CRYBG3: variants seen among roughly 807,000 people sequenced by gnomAD.
CRYBG3 encodes crystallin beta-gamma domain containing 3.
A neutral mutation model predicts 244.2 loss-of-function variants in CRYBG3; 127 were observed. That is an observed-to-expected ratio of 0.52 (90% CI 0.45 to 0.60). CRYBG3 has a LOEUF of 0.60. Among genes scored for constraint, CRYBG3 ranks in the 20% least tolerant of loss-of-function variants. The pLI, the probability that CRYBG3 is intolerant of heterozygous loss-of-function variation, is 0.00. For missense variants in CRYBG3, 3,325 were observed against 3,442.5 expected, an observed-to-expected ratio of 0.97 and a Z score of 0.85; for synonymous variants, 1,132 against 1,195.8, an observed-to-expected ratio of 0.95 and a Z score of 1.10.
intron 17 of CRYBG3, among the ~76,000 whole-genome samples, chr3:97,932,776 C>G (rs1271884409): frequency 1.3e-5 from 2 of 151,994 alleles, no homozygotes; most frequent in Non-Finnish European, 2.9e-5. Context: ...TTTGCCGTTC[C>G]CCCAACATGT....
intron 1 of CRYBG3, among the ~76,000 whole-genome samples, chr3:97,841,933 C>T (rs1396568967): frequency 1.3e-5 from 2 of 152,118 alleles, no homozygotes; most frequent in Admixed American, 6.6e-5. Flanking sequence ...AGAAAATGCC[C>T]GATTCTCTAT....
At chr3:97,885,228 A>G (rs2039493910) in intron 7 of CRYBG3, among the ~76,000 whole-genome samples, 1 of 152,190 alleles carries the variant, frequency 6.6e-6, no homozygotes, top group Admixed American at 6.5e-5. Flanking sequence ...CAATTTTCTG[A>G]AAATGAGATG....
At position 97,872,163 on chromosome 3, in the gene CRYBG3, G is replaced by T. The variant is rs748124746; in HGVS notation, c.969G>T (p.Leu323=). Residue 323 remains leucine (L), a synonymous_variant, in exon 4 of 22, where the codon CTG becomes CTT. Transcript: ENST00000389622. ...ATTCTTTGACAAATAACCCAGAACT[G>T]CAGAATATTGCCTCTTCCAATAATC... ...KENSLTNNPE[L]QNIASSNNLL... The T allele has an allele frequency of 6.5e-7, 1 of 1,535,820 alleles. No individual in the cohort carries two copies. Among genetic ancestry groups the T allele is most frequent in the Non-Finnish European group, 8.7e-7 (1 of 1,146,658 alleles).
chr3:97,841,092 A>G lies in CRYBG3; in HGVS notation c.150-2103A>G, dbSNP rs112203458. On this transcript the variant is annotated intron_variant, in intron 1 of 21. Coordinates refer to ENST00000389622, the MANE Select transcript of CRYBG3 (RefSeq NM_153605.4). ...ATTTTATACATTTGTACGGGTTACA[A>G]TTCTGTATTGTACAATATTTTCTAT... Among the ~76,000 whole-genome samples the G allele has an allele frequency of 5.6e-3, 852 of 151,960 alleles. 7 individuals carry two copies. Among genetic ancestry groups the G allele is most frequent in the African/African-American group, 0.018 (751 of 41,506 alleles).
chr3:97,837,456 A>AT (rs2038750136), intron 1 of CRYBG3, among the ~76,000 whole-genome samples: 1 of 152,090 alleles, frequency 6.6e-6, no homozygotes, highest in Admixed American at 6.6e-5. Context: ...ATTTGCCCTG[A>AT]TTCTTTTTCC....
In CRYBG3 at chr3:97,872,667, C is replaced by G. The variant is rs1330453274; in HGVS notation, c.1473C>G (p.Thr491=). 9.1e-6 allele frequency: 14 copies of G among 1,535,770 alleles called. No homozygotes were observed. The highest frequency in any genetic ancestry group is 1.2e-5 in the Non-Finnish European group (14 of 1,146,674). The part of the protein sequence containing the change: ...DSSSKQAATH[T]NIIALQRHAV... ...CATCAAAGCAAGCTGCCACTCACAC[C>G]AATATCATTGCTCTTCAGAGACATG... The change falls in exon 4 of 22, where the codon ACC becomes ACG. Residue 491 remains threonine (T), a synonymous_variant. Transcript: ENST00000389622.
In CRYBG3 at chr3:97,822,137, G is replaced by C. The variant is rs2038508338; in HGVS notation, c.-70G>C. On this transcript the variant is annotated 5_prime_UTR_variant, in exon 1 of 22. Transcript: ENST00000389622. ...AGCCGCATCCCGCGGCGCCCGGTCG[G>C]GCTCCGGGCACCAGGCAACACCTAG... 1 of 1,339,378 alleles carries C rather than the reference G, an allele frequency of 7.5e-7. No individual in the cohort carries two copies. Among genetic ancestry groups the C allele is most frequent in the African/African-American group, 1.5e-5 (1 of 65,684 alleles). The allele number at this position is 1,339,378 out of a possible 1,614,324, so 83.0% of individuals were successfully genotyped here.
Position 97,875,094 on chromosome 3 carries a change from G to C in CRYBG3, c.3900G>C (p.Leu1300Phe). 6.5e-7 allele frequency: 1 copy of C among 1,532,984 alleles called. No homozygotes were observed. The highest frequency in any genetic ancestry group is 8.7e-7 in the Non-Finnish European group (1 of 1,145,198). The allele number at this position is 1,532,984 out of a possible 1,614,324, so 95.0% of individuals were successfully genotyped here. A position where few individuals can be genotyped will look rare whatever the true frequency, so the allele number is the denominator to read the frequency against. ...CTAATAGTATGAATGTATCTTGTTT[G>C]TTAGAAGATAAAGCTAGGGAATTAG... ...VDPNSMNVSC[L>F]LEDKARELVN... The change falls in exon 4 of 22, where the codon TTG (leucine) becomes TTC (phenylalanine). Residue 1300 changes from leucine to phenylalanine, a missense_variant. Leu to Phe is a conservative substitution (Grantham distance 22, BLOSUM62 0). This residue lies in a region of CRYBG3 where 635 missense variants were observed against 771.7 expected (regional missense o/e 0.82). Transcript: ENST00000389622.
At chr3:97,886,155 T>G (rs138694270) in intron 7 of CRYBG3, among the ~76,000 whole-genome samples, 14 of 152,272 alleles carry the variant, frequency 9.2e-5, no homozygotes, top group African/African-American at 3.4e-4. Context: ...GACTATTTCT[T>G]TTGTCAATGT....
At chr3:97,918,912 C>T (rs2039955379) in intron 17 of CRYBG3, among the ~76,000 whole-genome samples, 2 of 152,164 alleles carry the variant, frequency 1.3e-5, no homozygotes, top group South Asian at 2.1e-4. Flanking sequence ...ATCATTGTGT[C>T]CACTCACATT....
intron 2 of CRYBG3, among the ~76,000 whole-genome samples, chr3:97,854,859 G>A (rs2039042174): frequency 6.6e-6 from 1 of 151,952 alleles, no homozygotes; most frequent in African/African-American, 2.4e-5. Context: ...TCTCTTGTTT[G>A]ATTGCTCTGG....
intron 1 of CRYBG3, among the ~76,000 whole-genome samples, chr3:97,838,510 A>G (rs1171234814): frequency 6.6e-6 from 1 of 152,108 alleles, no homozygotes; most frequent in Non-Finnish European, 1.5e-5. Flanking sequence ...ATTCCTTGAC[A>G]GTCGGGCCCA....
chr3:97,889,464 A>G, intron 10 of CRYBG3, 74 bp downstream of exon 10: 1 of 1,275,972 alleles, frequency 7.8e-7, no homozygotes, highest in Non-Finnish European at 1.1e-6. Flanking sequence ...ATTTTGAAAC[A>G]TTGGAATAAA....
rs78124179 is a variant in CRYBG3 at position 97,892,623 on chromosome 3, G to A, written c.7441-237G>A. 9.6e-3 allele frequency among the ~76,000 whole-genome samples: 1,453 copies of A among 151,992 alleles called. 9 individuals carry two copies. The highest frequency in any genetic ancestry group is 0.014 in the Non-Finnish European group (980 of 67,980). The stretch of plus-strand genomic sequence containing the variant: ...ACTGTTTTGTTCTTCTTAGCACCTC[G>A]AAGTAGATCCTTTTCAGATGTGTTA... On this transcript the variant is annotated intron_variant, in intron 10 of 21. Transcript: ENST00000389622.
Position 97,877,209 on chromosome 3 carries a change from G to C in CRYBG3, c.6015G>C (p.Glu2005Asp). Residue 2005 changes from glutamate (E) to aspartate (D), a missense_variant, in exon 4 of 22, where the codon GAG (glutamate) becomes GAC (aspartate). Around this residue, in one of 4 missense-constraint regions of CRYBG3, gnomAD observed 450 missense variants for 424.1 expected, o/e 1.06. Transcript: ENST00000389622. Reference sequence around the variant, plus strand: ...CTTCCTTTACTATATTATACGAAGAGCCCCTTCAAGAGGAGGACAAGTATG... The same window carrying C: ...CTTCCTTTACTATATTATACGAAGACCCCCTTCAAGAGGAGGACAAGTATG... ...ENSSFTILYE[E>D]PLQEEDKYAS... The C allele has an allele frequency of 1.9e-6, 3 of 1,613,898 alleles. No homozygotes were observed. Among genetic ancestry groups the C allele is most frequent in the Non-Finnish European group, 2.5e-6 (3 of 1,179,874 alleles).
At chr3:97,880,973 C>T in intron 6 of CRYBG3, 99 bp from the exon 7 acceptor site, 1 of 884,958 alleles carries the variant, frequency 1.1e-6, no homozygotes. Flanking sequence ...GAAGATATCC[C>T]AGCTTAAAAA....
At chr3:97,829,654 T>C (rs2038627814) in intron 1 of CRYBG3, among the ~76,000 whole-genome samples, 1 of 152,246 alleles carries the variant, frequency 6.6e-6, no homozygotes, top group African/African-American at 2.4e-5. Flanking sequence ...AACATTTTGG[T>C]TATTTGATTT....
chr3:97,879,869 C>T, intron 5 of CRYBG3, 116 bp from the exon 6 acceptor site: 1 of 904,294 alleles, frequency 1.1e-6, no homozygotes, highest in Non-Finnish European at 1.7e-6. Context: ...TCTAAAGTAA[C>T]ATTTGCTTTT....
At position 97,841,232 on chromosome 3, in the gene CRYBG3, G is replaced by A. The variant is rs557879872; in HGVS notation, c.150-1963G>A. ...TATGTATATATGTATATGTATATAT[G>A]TGTGTATATACATATATGTATATAT... On this transcript the variant is annotated intron_variant, in intron 1 of 21. Coordinates refer to ENST00000389622, the MANE Select transcript of CRYBG3 (RefSeq NM_153605.4). 1.3e-4 allele frequency among the ~76,000 whole-genome samples: 19 copies of A among 149,470 alleles called. No individual in the cohort carries two copies. In the East Asian group the frequency reaches 3.5e-3, roughly 28 times the overall value.
Sources: gnomAD v4.1 joint callset for allele counts (sites outside exome capture counted in the v4.1 genomes callset) on GRCh38, gnomAD v4.1.1 for gene constraint, gnomAD v4.1.1 regional missense constraint, MANE v1.5 for transcripts, NCBI Gene and HGNC (gene_info 2026-07-23, HGNC 2026-07-21) for gene names.